DESI2: variants seen among roughly 807,000 people sequenced by gnomAD.
DESI2 encodes deubiquitinase DESI2.
Under a neutral mutation model 24.1 loss-of-function variants are expected in DESI2, and 10 were observed. That is an observed-to-expected ratio of 0.41 (90% CI 0.26 to 0.70). The LOEUF (loss-of-function observed/expected upper bound fraction) is 0.70. Among genes scored for constraint, DESI2 ranks in the 30% least tolerant of loss-of-function variants. DESI2 has a pLI of 0.29. For synonymous variants in DESI2, 71 were observed against 87.7 expected (o/e 0.81, Z 1.06); for missense variants, 122 against 234.9 (o/e 0.52, Z 3.14).
At chr1:244,686,475 G>A (rs550595593) in intron 1 of DESI2, 122 bp from the exon 2 acceptor site, 8 of 668,976 alleles carry the variant, frequency 1.2e-5, no homozygotes, top group Middle Eastern at 5.0e-4. Flanking sequence ...ACAGAGACAG[G>A]ACCACTGGAT....
intron 1 of DESI2, among the ~76,000 whole-genome samples, chr1:244,672,151 T>C (rs990444921): frequency 6.6e-6 from 1 of 151,974 alleles, no homozygotes; most frequent in African/African-American, 2.4e-5. Context: ...CTGGGCAACA[T>C]AGCAAGACTC....
At chr1:244,661,265 GTATT>G (rs896871856) in intron 1 of DESI2, among the ~76,000 whole-genome samples, 8 of 152,056 alleles carry the variant, frequency 5.3e-5, no homozygotes, top group African/African-American at 1.9e-4. Context: ...AAATAATACA[GTATT>G]TATTTTGTGA....
At chr1:244,694,774 C>G (rs1416484875) in intron 4 of DESI2, 1 of 571,462 alleles carries the variant, frequency 1.7e-6, no homozygotes, top group African/African-American at 1.9e-5. Flanking sequence ...TAGAACACAG[C>G]CATGCTTATT....
intron 4 of DESI2, among the ~76,000 whole-genome samples, chr1:244,704,308 T>C (rs1008976204): frequency 2.0e-5 from 3 of 152,172 alleles, no homozygotes; most frequent in Non-Finnish European, 4.4e-5. Flanking sequence ...TTTGGTATAA[T>C]TGGAGGCAAA....
chr1:244,692,093 A>G (rs757849342), intron 4 of DESI2, 73 bp downstream of exon 4: 10 of 1,282,292 alleles, frequency 7.8e-6, no homozygotes, highest in Non-Finnish European at 1.1e-5. Context: ...ATCCCACTAT[A>G]TTCGATCTTG....
chr1:244,691,620 A>G (rs1360506599), intron 3 of DESI2, among the ~76,000 whole-genome samples: 1 of 152,254 alleles, frequency 6.6e-6, no homozygotes, highest in African/African-American at 2.4e-5. Context: ...AAGGACATAT[A>G]TTTCATAAAG....
chr1:244,692,238 T>C (rs1188809270), intron 4 of DESI2, among the ~76,000 whole-genome samples: 1 of 152,124 alleles, frequency 6.6e-6, no homozygotes, highest in African/African-American at 2.4e-5. Flanking sequence ...TACTTTGCAG[T>C]GGGTAGAGAG....
At position 244,705,946 on chromosome 1, in the gene DESI2, A is replaced by C; in HGVS notation, c.*157A>C. The C allele has an allele frequency of 1.6e-6, 1 of 619,886 alleles. No homozygotes were observed. Among genetic ancestry groups the C allele is most frequent in the East Asian group, 2.8e-5 (1 of 35,948 alleles). 38.4% of individuals were successfully genotyped at this position (619,886 alleles called of 1,614,324 possible). On this transcript the variant is annotated 3_prime_UTR_variant, in exon 5 of 5. Coordinates refer to ENST00000302550, the MANE Select transcript of DESI2 (RefSeq NM_016076.5). ...CAGGATTATATTTGTAATCAAAAAA[A>C]AAAAATCACTTGGCGCAGGAGGGAG...
intron 4 of DESI2, among the ~76,000 whole-genome samples, chr1:244,704,445 G>A (rs72759465): frequency 0.049 from 7,402 of 152,252 alleles, 201 homozygotes; most frequent in Middle Eastern, 0.092. Context: ...AAATAGGAGC[G>A]GGGGGAAGGG....
intron 4 of DESI2, among the ~76,000 whole-genome samples, chr1:244,704,665 T>TG (rs1553268099): frequency 2.9e-4 from 44 of 151,614 alleles, no homozygotes; most frequent in African/African-American, 7.7e-4. Context: ...GGAAAACACT[T>TG]TGTGTGTGTG....
intron 1 of DESI2, among the ~76,000 whole-genome samples, chr1:244,672,935 A>C (rs538837944): frequency 6.6e-6 from 1 of 152,156 alleles, no homozygotes; most frequent in South Asian, 2.1e-4. Context: ...GCCAGCAGTA[A>C]ATCATTATTG....
intron 4 of DESI2, among the ~76,000 whole-genome samples, chr1:244,702,985 ATTTG>A (rs1332707288): frequency 7.0e-6 from 1 of 142,334 alleles, no homozygotes; most frequent in East Asian, 2.1e-4. Context: ...ACAATGTAAT[ATTTG>A]TTTGCCAGCG....
intron 4 of DESI2, among the ~76,000 whole-genome samples, chr1:244,700,079 G>A (rs924350287): frequency 6.6e-6 from 1 of 152,194 alleles, no homozygotes; most frequent in Non-Finnish European, 1.5e-5. Flanking sequence ...TCAGGCTGGA[G>A]TGGAAACCTG....
intron 1 of DESI2, among the ~76,000 whole-genome samples, chr1:244,676,343 C>T (rs945286977): frequency 4.0e-5 from 6 of 149,750 alleles, no homozygotes; most frequent in Admixed American, 6.7e-5. Flanking sequence ...TCCCAAAGTG[C>T]TGGGATTACA....
At chr1:244,661,566 C>G (rs577072068) in intron 1 of DESI2, among the ~76,000 whole-genome samples, 9 of 152,218 alleles carry the variant, frequency 5.9e-5, no homozygotes, top group South Asian at 2.1e-4. Flanking sequence ...CCGCTCCCCC[C>G]ACCCCACCAC....
At chr1:244,663,972 T>G (rs564474291) in intron 1 of DESI2, among the ~76,000 whole-genome samples, 2 of 142,402 alleles carry the variant, frequency 1.4e-5, no homozygotes, top group Admixed American at 7.6e-5. Flanking sequence ...GAGCCGAGAT[T>G]GCGCCACTGC....
chr1:244,666,564 A>T (rs568940193), intron 1 of DESI2, among the ~76,000 whole-genome samples: 46 of 152,334 alleles, frequency 3.0e-4, no homozygotes, highest in African/African-American at 1.0e-3. Flanking sequence ...GTCTTTTTAA[A>T]TGAACTTCTT....
chr1:244,658,282 A>C (rs1317259156), intron 1 of DESI2, among the ~76,000 whole-genome samples: 1 of 152,150 alleles, frequency 6.6e-6, no homozygotes, highest in African/African-American at 2.4e-5. Context: ...TCCCTCTTCT[A>C]TATAACAGTC....
At chr1:244,692,609 C>T (rs1432183621) in intron 4 of DESI2, among the ~76,000 whole-genome samples, 3 of 152,200 alleles carry the variant, frequency 2.0e-5, no homozygotes, top group African/African-American at 7.2e-5. Context: ...TGATTCTTAG[C>T]AGATGGTTAC....
Sources: allele counts gnomAD v4.1 joint callset (sites outside exome capture counted in the v4.1 genomes callset), GRCh38; gene constraint gnomAD v4.1.1; transcripts MANE v1.5; gene names NCBI Gene and HGNC (gene_info 2026-07-23, HGNC 2026-07-21).